ROR2: variants seen among roughly 807,000 people sequenced by gnomAD.
The protein encoded by ROR2 is ROR family WNT receptor 2, also known as tyrosine-protein kinase transmembrane receptor ROR2.
A neutral mutation model predicts 74.9 loss-of-function variants in ROR2; 33 were observed. The ratio of observed to expected loss-of-function variants is 0.44; its 90% CI spans 0.33 to 0.59. The LOEUF is 0.59. Ranked by LOEUF, ROR2 falls within the 20% of genes least tolerant of loss-of-function variation. The pLI is 0.02. For missense variants in ROR2, 1,216 were observed against 1,313.8 expected, an observed-to-expected ratio of 0.93 and a Z score of 1.15; for synonymous variants, 586 against 558.7, an observed-to-expected ratio of 1.05 and a Z score of -0.69.
intron 4 of ROR2, among the ~76,000 whole-genome samples, chr9:91,744,212 A>AATTTT (rs1420937798): frequency 3.1e-5 from 2 of 64,592 alleles, no homozygotes; most frequent in East Asian, 4.9e-4. Context: ...AAATTTGTTA[A>AATTTT]CTTTTTTTTT....
intron 4 of ROR2, among the ~76,000 whole-genome samples, chr9:91,740,566 A>ATATATATATG (rs559664856): frequency 0.015 from 2,216 of 149,078 alleles, 71 homozygotes; most frequent in African/African-American, 0.053. Context: ...GGGGGGGGGA[A>ATATATATATG]TATATATATG....
chr9:91,738,027 C>T (rs150177767), intron 4 of ROR2, among the ~76,000 whole-genome samples: 46 of 152,242 alleles, frequency 3.0e-4, no homozygotes, highest in African/African-American at 1.0e-3. Flanking sequence ...CCAAGAGACA[C>T]ACTGGGGTTT....
intron 1 of ROR2, among the ~76,000 whole-genome samples, chr9:91,900,261 C>T (rs1051190634): frequency 1.2e-4 from 19 of 152,212 alleles, no homozygotes; most frequent in Admixed American, 6.5e-4. Context: ...GAGGCCCAAG[C>T]GCAGAAGCAG....
In ROR2 at chr9:91,723,754, C is replaced by T. The variant is rs1232973771; in HGVS notation, c.2740G>A (p.Glu914Lys). 1 of 1,613,892 alleles carries T rather than the reference C, an allele frequency of 6.2e-7. No individual in the cohort carries two copies. Among genetic ancestry groups the T allele is most frequent in the Non-Finnish European group, 8.5e-7 (1 of 1,180,042 alleles). The change falls in exon 9 of 9, where the codon GAG becomes AAG. Residue 914 changes from glutamate (E) to lysine (K), a missense_variant. Transcript: ENST00000375708. ...GAQSTVQEAE[E>K]EEEGSVPETE... is the part of the protein sequence containing the mutation. Reference sequence around the variant, plus strand: ...TCTGGGACAGAGCCTTCCTCCTCCTCCTCTGCTTCCTGCACGGTGCTCTGG... The same window carrying T: ...TCTGGGACAGAGCCTTCCTCCTCCTTCTCTGCTTCCTGCACGGTGCTCTGG...
rs941756148 is a variant in ROR2 at position 91,723,264 on chromosome 9, C to T, written c.*398G>A. 13 of 183,528 alleles carry T rather than the reference C, an allele frequency of 7.1e-5. No individual in the cohort carries two copies. Among genetic ancestry groups the T allele is most frequent in the Non-Finnish European group, 1.4e-4 (12 of 87,562 alleles). 11.4% of individuals were successfully genotyped at this position (183,528 alleles called of 1,614,324 possible). A position where few individuals can be genotyped will look rare whatever the true frequency, so the allele number is the denominator to read the frequency against. ...AACCTCAAGACCCGAGGTGCCTCCT[C>T]GCTGCCTTTTGCAGGCCCTTATTCC... On this transcript the variant is annotated 3_prime_UTR_variant, in exon 9 of 9. Coordinates refer to ENST00000375708, the MANE Select transcript of ROR2 (RefSeq NM_004560.4).
chr9:91,757,455 G>T lies in ROR2; in HGVS notation c.280C>A (p.Arg94=), dbSNP rs756830208. The T allele has an allele frequency of 6.2e-7, 1 of 1,613,886 alleles. No homozygotes were observed. Among genetic ancestry groups the T allele is most frequent in the Non-Finnish European group, 8.5e-7 (1 of 1,179,998 alleles). ...KVAGNPPPNV[R]WLKNDAPVVQ... ...ACCGGGGCATCATTCTTTAGCCACCGCACGTTAGGGGGTGGGTTTCCTGCC... is the reference window on the plus strand; with the variant it reads ...ACCGGGGCATCATTCTTTAGCCACCTCACGTTAGGGGGTGGGTTTCCTGCC... Residue 94 remains arginine, a synonymous_variant, in exon 3 of 9, where the codon CGG becomes AGG. Coordinates refer to ENST00000375708, the MANE Select transcript of ROR2 (RefSeq NM_004560.4).
At chr9:91,769,011 G>A (rs1249391044) in intron 2 of ROR2, among the ~76,000 whole-genome samples, 1 of 152,208 alleles carries the variant, frequency 6.6e-6, no homozygotes, top group African/African-American at 2.4e-5. Flanking sequence ...TCCAATGGAT[G>A]TTAGAAAACG....
intron 1 of ROR2, among the ~76,000 whole-genome samples, chr9:91,853,920 T>C (rs1047272603): frequency 6.6e-6 from 1 of 152,194 alleles, no homozygotes; most frequent in African/African-American, 2.4e-5. Flanking sequence ...AAGTGTTCCT[T>C]GGCCAATATC....
intron 1 of ROR2, among the ~76,000 whole-genome samples, chr9:91,803,294 T>C (rs1431851369): frequency 6.6e-6 from 1 of 152,216 alleles, no homozygotes; most frequent in Non-Finnish European, 1.5e-5. Context: ...ATGCTAAATA[T>C]GCCAGCCACA....
intron 1 of ROR2, among the ~76,000 whole-genome samples, chr9:91,878,054 G>A (rs1830003395): frequency 6.9e-6 from 1 of 145,822 alleles, no homozygotes; most frequent in African/African-American, 2.8e-5. Flanking sequence ...GAACTTCACA[G>A]GGACCCAGTA....
intron 1 of ROR2, among the ~76,000 whole-genome samples, chr9:91,877,493 T>C (rs1587812453): frequency 6.6e-6 from 1 of 152,272 alleles, no homozygotes; most frequent in East Asian, 1.9e-4. Context: ...ATAACTACTA[T>C]GGTGTTCAGG....
Position 91,723,571 on chromosome 9 carries a change from T to C in ROR2, c.*91A>G, listed in dbSNP as rs1564226252. ...CCCACTGGCCGGCGGGCTCTTGTGA[T>C]TGCTGAGTATGGTGTCTTCTCAAAG... On this transcript the variant is annotated 3_prime_UTR_variant, in exon 9 of 9. Transcript: ENST00000375708. 6.5e-7 allele frequency: 1 copy of C among 1,539,566 alleles called. No homozygotes were observed. Among genetic ancestry groups the C allele is most frequent in the Non-Finnish European group, 8.7e-7 (1 of 1,143,852 alleles).
chr9:91,945,102 A>T (rs1419431257), intron 1 of ROR2, among the ~76,000 whole-genome samples: 1 of 151,972 alleles, frequency 6.6e-6, no homozygotes, highest in East Asian at 1.9e-4. Context: ...AAAAGTTAAT[A>T]CTACTCAGAT....
chr9:91,734,266 C>T (rs1824943064), intron 5 of ROR2, among the ~76,000 whole-genome samples: 1 of 152,132 alleles, frequency 6.6e-6, no homozygotes, highest in South Asian at 2.1e-4. Flanking sequence ...CCTGGGCTCA[C>T]TACCCCATTT....
At chr9:91,771,678 C>T (rs537904364) in intron 2 of ROR2, among the ~76,000 whole-genome samples, 1 of 151,958 alleles carries the variant, frequency 6.6e-6, no homozygotes, top group Non-Finnish European at 1.5e-5. Flanking sequence ...GCTTTTTGCT[C>T]TGAGAATCTC....
At chr9:91,823,793 T>C (rs1186956287) in intron 1 of ROR2, among the ~76,000 whole-genome samples, 2 of 152,194 alleles carry the variant, frequency 1.3e-5, no homozygotes, top group Non-Finnish European at 2.9e-5. Flanking sequence ...AAGGTGACAA[T>C]GAATAAACAG....
chr9:91,842,850 G>C (rs922599785), intron 1 of ROR2, among the ~76,000 whole-genome samples: 25 of 152,322 alleles, frequency 1.6e-4, no homozygotes, highest in African/African-American at 5.5e-4. Context: ...GCAGCTCTTT[G>C]CTTTCCTGCA....
chr9:91,737,561 C>G (rs768237366), intron 4 of ROR2, 43 bp from the exon 5 acceptor site: 2 of 1,613,414 alleles, frequency 1.2e-6, no homozygotes, highest in Admixed American at 3.3e-5. Context: ...CTGGGAGGTG[C>G]CAGGTCCCGC....
rs775823582 is a variant in ROR2, at chr9:91,927,562, C to CTTTTTTTTTTTTTTTTTTTTTTT, written c.97+22304_97+22305insAAAAAAAAAAAAAAAAAAAAAAA. 6.3e-5 allele frequency among the ~76,000 whole-genome samples: 6 copies of CTTTTTTTTTTTTTTTTTTTTTTT among 94,946 alleles called. 1 individual carries two copies. Among genetic ancestry groups the CTTTTTTTTTTTTTTTTTTTTTTT allele is most frequent in the Non-Finnish European group, 7.9e-5 (4 of 50,502 alleles). The allele number at this position is 94,946 out of a possible 152,430, so 62.3% of individuals were successfully genotyped here. On this transcript the variant is annotated intron_variant, in intron 1 of 8. Transcript: ENST00000375708. ...TGGCTGGCTCTGTGTTTTCTAGATT[C>CTTTTTTTTTTTTTTTTTTTTTTT]TTTTTTTTTTTTTTTTTTTTTGAGA... is the stretch of plus-strand genomic sequence containing the variant.
Sources: allele counts gnomAD v4.1 joint callset (sites outside exome capture counted in the v4.1 genomes callset), GRCh38; gene constraint gnomAD v4.1.1; transcripts MANE v1.5; gene names NCBI Gene and HGNC (gene_info 2026-07-23, HGNC 2026-07-21).